CRYBG1: variants seen among roughly 807,000 people sequenced by gnomAD.
CRYBG1 encodes the protein beta/gamma crystallin domain-containing protein 1.
CRYBG1 carries 139 observed loss-of-function variants against 189.2 expected under a neutral mutation model. That is an observed-to-expected ratio of 0.73 (90% CI 0.64 to 0.85). The LOEUF (loss-of-function observed/expected upper bound fraction) is 0.85. Ranked by LOEUF, CRYBG1 falls within the 40% of genes least tolerant of loss-of-function variation. The pLI is 0.00. For synonymous variants in CRYBG1, 1,023 were observed against 1,017.1 expected (o/e 1.01, Z -0.11); for missense variants, 2,611 against 2,675.8 (o/e 0.98, Z 0.53).
intron 2 of CRYBG1, among the ~76,000 whole-genome samples, chr6:106,510,254 G>T (rs560077389): frequency 6.6e-6 from 1 of 152,306 alleles, no homozygotes; most frequent in African/African-American, 2.4e-5. Flanking sequence ...TAGGAGCCAG[G>T]CTGGGCTCGC....
chr6:106,391,968 T>TGC (rs1554231573), intron 1 of CRYBG1, among the ~76,000 whole-genome samples: 34 of 59,446 alleles, frequency 5.7e-4, no homozygotes, highest in African/African-American at 3.6e-3. Flanking sequence ...TGTGTGTGTG[T>TGC]GTGCGTGCGC....
chr6:106,478,029 A>G (rs927454122), intron 2 of CRYBG1, among the ~76,000 whole-genome samples: 6 of 152,256 alleles, frequency 3.9e-5, no homozygotes, highest in African/African-American at 1.4e-4. Flanking sequence ...GCAAGGAGCC[A>G]AATGTCAGTA....
At chr6:106,507,518 T>A (rs1271544124) in intron 2 of CRYBG1, among the ~76,000 whole-genome samples, 1 of 152,116 alleles carries the variant, frequency 6.6e-6, no homozygotes, top group Non-Finnish European at 1.5e-5. Context: ...AACTTGATGG[T>A]CACTCATGGC....
chr6:106,440,151 C>T (rs1771539986), intron 1 of CRYBG1, among the ~76,000 whole-genome samples: 1 of 152,074 alleles, frequency 6.6e-6, no homozygotes, highest in Non-Finnish European at 1.5e-5. Flanking sequence ...TTCTTCTGCC[C>T]TCTACTCTCC....
chr6:106,457,042 C>A (rs1771902669), intron 2 of CRYBG1: 1 of 152,206 alleles, frequency 6.6e-6, no homozygotes, highest in South Asian at 2.1e-4. Flanking sequence ...TGAAGTCCAA[C>A]CCACAACCCT....
chr6:106,476,659 C>T (rs1466408055), intron 2 of CRYBG1, among the ~76,000 whole-genome samples: 2 of 151,960 alleles, frequency 1.3e-5, no homozygotes, highest in Non-Finnish European at 2.9e-5. Context: ...ATTCCTCCTC[C>T]CCATGAATCA....
intron 1 of CRYBG1, among the ~76,000 whole-genome samples, chr6:106,411,103 TA>T (rs892009338): frequency 9.2e-5 from 14 of 152,062 alleles, no homozygotes; most frequent in African/African-American, 1.4e-4. Flanking sequence ...AGAACTGGGT[TA>T]AAAAAATGAT....
chr6:106,458,348 T>C (rs1771932366), intron 2 of CRYBG1, among the ~76,000 whole-genome samples: 1 of 152,230 alleles, frequency 6.6e-6, no homozygotes, highest in African/African-American at 2.4e-5. Flanking sequence ...TTTATGCAGC[T>C]GCAGTCTTCT....
chr6:106,537,100 C>T (rs764966656), intron 8 of CRYBG1, among the ~76,000 whole-genome samples: 1 of 152,192 alleles, frequency 6.6e-6, no homozygotes, highest in Non-Finnish European at 1.5e-5. Flanking sequence ...TTCCCCTCTA[C>T]CCAGAATGAC....
rs185632245 is a variant in CRYBG1, at chr6:106,545,926, C to T, written c.5312+993C>T. Among the ~76,000 whole-genome samples, 20 of 152,258 alleles carry T rather than the reference C, an allele frequency of 1.3e-4. No homozygotes were observed. In the East Asian group the frequency reaches 2.7e-3, roughly 21 times the overall value. On this transcript the variant is annotated intron_variant, in intron 13 of 21. Transcript: ENST00000633556. ...AACTCCTGAGCTCAGGTGATCCACC[C>T]GCCTTGGCCTCCCAAAGTGCTGGGA... is the stretch of plus-strand genomic sequence containing the variant.
chr6:106,496,012 C>A (rs1772842386), intron 2 of CRYBG1, among the ~76,000 whole-genome samples: 1 of 152,080 alleles, frequency 6.6e-6, no homozygotes. Flanking sequence ...GGTTATCTTT[C>A]AAATGTGTTC....
At chr6:106,410,821 G>A (rs1770915593) in intron 1 of CRYBG1, among the ~76,000 whole-genome samples, 2 of 152,116 alleles carry the variant, frequency 1.3e-5, no homozygotes, top group Non-Finnish European at 2.9e-5. Flanking sequence ...GAGAACACAT[G>A]GACCTGGAGG....
intron 9 of CRYBG1, 172 bp from the exon 10 acceptor site, chr6:106,541,414 C>T: frequency 1.4e-6 from 1 of 703,162 alleles, no homozygotes; most frequent in South Asian, 1.6e-5. Flanking sequence ...GCCTGCCTTC[C>T]TCGTGTCTTC....
chr6:106,522,198 C>T (rs562492375), intron 4 of CRYBG1, among the ~76,000 whole-genome samples: 2 of 152,352 alleles, frequency 1.3e-5, no homozygotes, highest in East Asian at 1.9e-4. Flanking sequence ...GGAGCTTCCT[C>T]TATTTGGGAA....
At chr6:106,562,327 A>C (rs1333582601) in intron 20 of CRYBG1, among the ~76,000 whole-genome samples, 1 of 152,214 alleles carries the variant, frequency 6.6e-6, no homozygotes, top group Non-Finnish European at 1.5e-5. Context: ...CATGAAAAGA[A>C]GCTTTCTGCC....
chr6:106,371,315 A>G (rs1239170435), intron 1 of CRYBG1, among the ~76,000 whole-genome samples: 1 of 152,258 alleles, frequency 6.6e-6, no homozygotes, highest in African/African-American at 2.4e-5. Flanking sequence ...AACTGTTGAC[A>G]TTCACACTGA....
intron 1 of CRYBG1, 58 bp from the exon 2 acceptor site, chr6:106,451,636 T>C: frequency 7.1e-7 from 1 of 1,411,834 alleles, no homozygotes; most frequent in Non-Finnish European, 9.3e-7. Context: ...TTTGGGTTTC[T>C]TGAGATTTTG....
chr6:106,499,584 A>G (rs1006805985), intron 2 of CRYBG1, among the ~76,000 whole-genome samples: 2 of 152,076 alleles, frequency 1.3e-5, no homozygotes, highest in Non-Finnish European at 2.9e-5. Flanking sequence ...TTGTAATTGT[A>G]TACATTGTGT....
rs182010683 is a variant in CRYBG1 at position 106,395,252 on chromosome 6, A to T, written c.173+34171A>T. On this transcript the variant is annotated intron_variant, in intron 1 of 21. Coordinates refer to ENST00000633556, the MANE Select transcript of CRYBG1 (RefSeq NM_001371242.2). ...TCTATAAAAACAATTTTAAAAATAT[A>T]AAAAAAATAAAAAACTGCTTCAGTT... is the stretch of plus-strand genomic sequence containing the variant. Among the ~76,000 whole-genome samples the T allele has an allele frequency of 1.5e-3, 234 of 151,424 alleles. 3 individuals carry two copies. The highest frequency in any genetic ancestry group is 5.2e-3 in the African/African-American group (216 of 41,400).
Sources: allele counts gnomAD v4.1 joint callset (sites outside exome capture counted in the v4.1 genomes callset), GRCh38; gene constraint gnomAD v4.1.1; transcripts MANE v1.5; gene names NCBI Gene and HGNC (gene_info 2026-07-23, HGNC 2026-07-21).